The following HPSE2 variants were observed in gnomAD, a reference collection of about 807,000 sequenced individuals.
The protein encoded by HPSE2 is heparanase 2 (inactive).
Under a neutral mutation model 60.5 loss-of-function variants are expected in HPSE2, and 38 were observed. The ratio of observed to expected loss-of-function variants is 0.63; its 90% confidence interval spans 0.48 to 0.82. The LOEUF is 0.82. Among genes scored for constraint, HPSE2 ranks in the 40% least tolerant of loss-of-function variants. HPSE2 has a pLI of 0.00. For missense variants in HPSE2, 713 were observed against 740.4 expected (o/e 0.96, Z 0.43); for synonymous variants, 295 against 293.2 (o/e 1.01, Z -0.06).
chr10:98,960,701 C>CTTTTTTTTTTTTTTTTTAT (rs1955634615), intron 3 of HPSE2, among the ~76,000 whole-genome samples: 1 of 57,568 alleles, frequency 1.7e-5, no homozygotes, highest in African/African-American at 8.4e-5. Context: ...ATGTACATTT[C>CTTTTTTTTTTTTTTTTTAT]TTTTTTTTTT....
At chr10:98,800,457 T>G (rs1168925141) in intron 3 of HPSE2, among the ~76,000 whole-genome samples, 3 of 147,622 alleles carry the variant, frequency 2.0e-5, no homozygotes, top group Non-Finnish European at 3.0e-5. Flanking sequence ...TTATATAACA[T>G]ATATGATTTT....
At chr10:98,768,453 TTTTTG>T (rs1349234625) in intron 3 of HPSE2, among the ~76,000 whole-genome samples, 5 of 152,186 alleles carry the variant, frequency 3.3e-5, no homozygotes, top group African/African-American at 2.4e-5. Context: ...CACAAAATTA[TTTTTG>T]TTTTAATAAA....
intron 3 of HPSE2, among the ~76,000 whole-genome samples, chr10:98,943,425 C>A (rs188112375): frequency 2.0e-5 from 3 of 151,990 alleles, no homozygotes; most frequent in Admixed American, 2.0e-4. Flanking sequence ...ATGGTTTCTG[C>A]AAAGATCATT....
the HPSE2 span, among the ~76,000 whole-genome samples, chr10:99,275,997 C>G: frequency 6.6e-6 from 1 of 152,132 alleles, no homozygotes; most frequent in African/African-American, 2.4e-5. Context: ...AAAAAAACAG[C>G]CAAATAGAAA....
intron 6 of HPSE2, among the ~76,000 whole-genome samples, chr10:98,667,808 T>C (rs1411977644): frequency 1.3e-5 from 2 of 152,176 alleles, no homozygotes; most frequent in East Asian, 3.9e-4. Context: ...CTATGACAAA[T>C]CCACGGCCAA....
intron 3 of HPSE2, among the ~76,000 whole-genome samples, chr10:98,929,825 A>G (rs1423116396): frequency 6.9e-6 from 1 of 144,138 alleles, no homozygotes; most frequent in Non-Finnish European, 1.5e-5. Flanking sequence ...GGTTGAAAAA[A>G]GTGAATATTT....
intron 3 of HPSE2, among the ~76,000 whole-genome samples, chr10:98,837,944 A>G (rs1435835202): frequency 2.0e-5 from 3 of 151,764 alleles, no homozygotes; most frequent in Non-Finnish European, 4.4e-5. Flanking sequence ...CAAACTTGAT[A>G]AAATACTAAT....
chr10:98,461,731 T>C (rs1564895067), intron 11 of HPSE2: 19 of 1,517,738 alleles, frequency 1.3e-5, no homozygotes, highest in Non-Finnish European at 1.7e-5. Flanking sequence ...TTCTCCCATA[T>C]ACAGAATTAG....
At chr10:98,993,393 T>TC (rs1486610613) in intron 3 of HPSE2, among the ~76,000 whole-genome samples, 3 of 152,240 alleles carry the variant, frequency 2.0e-5, no homozygotes, top group Non-Finnish European at 4.4e-5. Flanking sequence ...ATGGTTGTCC[T>TC]CTTGGACATC....
At chr10:99,282,800 T>C in the HPSE2 span, among the ~76,000 whole-genome samples, 1 of 152,140 alleles carries the variant, frequency 6.6e-6, no homozygotes, top group Admixed American at 6.5e-5. Flanking sequence ...GGAAATACAC[T>C]GCGACAAATA....
At position 98,517,037 on chromosome 10, in the gene HPSE2, T is replaced by C. The variant is rs1316901868; in HGVS notation, c.1321-26841A>G. Among the ~76,000 whole-genome samples the C allele has an allele frequency of 2.0e-5, 3 of 152,242 alleles. No homozygotes were observed. In the East Asian group the frequency reaches 5.8e-4, roughly 29 times the overall value. ...TCTGAGTGGTTCTTAGTTTCAGGGG[T>C]TATTTTTATCCAGGAAAATATTGTA... On this transcript the variant is annotated intron_variant, in intron 9 of 11. Coordinates refer to ENST00000370552, the MANE Select transcript of HPSE2 (RefSeq NM_021828.5).
At chr10:99,070,637 C>T (rs1842757466) in intron 3 of HPSE2, among the ~76,000 whole-genome samples, 2 of 152,112 alleles carry the variant, frequency 1.3e-5, no homozygotes, top group Admixed American at 1.3e-4. Flanking sequence ...ATTTTATACC[C>T]ATTGGATAGC....
At chr10:98,619,243 A>C (rs2133983568) in intron 8 of HPSE2, among the ~76,000 whole-genome samples, 1 of 152,310 alleles carries the variant, frequency 6.6e-6, no homozygotes, top group Non-Finnish European at 1.5e-5. Context: ...TGCTCAGTCA[A>C]AAATCCAAGG....
intron 3 of HPSE2, among the ~76,000 whole-genome samples, chr10:98,883,088 C>A (rs1249054004): frequency 6.6e-6 from 1 of 152,038 alleles, no homozygotes; most frequent in Non-Finnish European, 1.5e-5. Context: ...ATCTTCCTAG[C>A]TCTGAAGGGC....
chr10:99,121,012 T>A (rs936551192), intron 3 of HPSE2, among the ~76,000 whole-genome samples: 1 of 152,154 alleles, frequency 6.6e-6, no homozygotes. Flanking sequence ...ATGCGTATGT[T>A]CATTGCAGCA....
intron 3 of HPSE2, among the ~76,000 whole-genome samples, chr10:98,808,149 A>T (rs1307670741): frequency 6.6e-6 from 1 of 152,174 alleles, no homozygotes; most frequent in Non-Finnish European, 1.5e-5. Context: ...TAAAATAAAC[A>T]TCTCCAGCCA....
intron 3 of HPSE2, among the ~76,000 whole-genome samples, chr10:98,851,514 T>C (rs1408620029): frequency 1.3e-5 from 2 of 152,212 alleles, no homozygotes; most frequent in African/African-American, 4.8e-5. Context: ...GCTTTTCTTC[T>C]TTCTACAAAG....
rs1371850059 is a variant in HPSE2 at position 98,500,172 on chromosome 10, G to T, written c.1321-9976C>A. Among the ~76,000 whole-genome samples the T allele has an allele frequency of 2.6e-5, 4 of 152,098 alleles. No homozygotes were observed. The East Asian group carries it at 5.8e-4, about 22-fold the overall frequency. Reference sequence around the variant, plus strand: ...TTTAAACTATACCTTGGAACAAATGGACTTAACAGATATATATAGAACATT... The same window carrying T: ...TTTAAACTATACCTTGGAACAAATGTACTTAACAGATATATATAGAACATT... On this transcript the variant is annotated intron_variant, in intron 9 of 11. Coordinates refer to ENST00000370552, the MANE Select transcript of HPSE2 (RefSeq NM_021828.5).
At chr10:99,118,479 C>T (rs987486262) in intron 3 of HPSE2, among the ~76,000 whole-genome samples, 10 of 148,018 alleles carry the variant, frequency 6.8e-5, no homozygotes, top group South Asian at 4.4e-4. Context: ...GCTGAGATCA[C>T]GCCACTGCAC....
Sources: gnomAD v4.1 joint callset for allele counts (sites outside exome capture counted in the v4.1 genomes callset) on GRCh38, gnomAD v4.1.1 for gene constraint, MANE v1.5 for transcripts, NCBI Gene and HGNC (gene_info 2026-07-23, HGNC 2026-07-21) for gene names.